The following TFR2 variants were observed in gnomAD, a reference collection of about 807,000 sequenced individuals.
TFR2 encodes the protein transferrin receptor protein 2.
A neutral mutation model predicts 91.9 loss-of-function variants in TFR2; 64 were observed. The ratio of observed to expected loss-of-function variants is 0.70; its 90% confidence interval spans 0.57 to 0.86. The LOEUF (loss-of-function observed/expected upper bound fraction) is 0.86, where lower values mean the gene tolerates loss of function less well. Among genes scored for constraint, TFR2 ranks in the 40% least tolerant of loss-of-function variants. The probability of loss-of-function intolerance (pLI) is 0.00; values close to 1 mark genes in which losing one functional copy is unlikely to be tolerated. For missense variants in TFR2, 950 were observed against 1,080.5 expected, an observed-to-expected ratio of 0.88 and a Z score of 1.69; for synonymous variants, 454 against 459.6, an observed-to-expected ratio of 0.99 and a Z score of 0.15.
chr7:100,634,242 A>G (rs1249570251), intron 3 of TFR2, among the ~76,000 whole-genome samples: 1 of 147,182 alleles, frequency 6.8e-6, no homozygotes, highest in African/African-American at 2.5e-5. Context: ...CTTTCCTTCG[A>G]AAGAGCTAAC....
At chr7:100,627,526 G>A (rs1309859798) in intron 15 of TFR2, 35 bp from the exon 16 acceptor site, 3 of 1,613,754 alleles carry the variant, frequency 1.9e-6, no homozygotes, top group African/African-American at 1.3e-5. Context: ...GGCGGAGGCA[G>A]ACAGGCTGAA....
chr7:100,636,041 C>A (rs1803566089), intron 3 of TFR2, among the ~76,000 whole-genome samples: 1 of 152,182 alleles, frequency 6.6e-6, no homozygotes, highest in Admixed American at 6.6e-5. Flanking sequence ...TCTATCTCAC[C>A]ACCACCTGCT....
chr7:100,626,436 T>C, intron 17 of TFR2: 12 of 1,193,640 alleles, frequency 1.0e-5, no homozygotes, highest in Non-Finnish European at 1.3e-5. Context: ...TCCAGAAGGG[T>C]CGAGGAGGCA....
intron 3 of TFR2, among the ~76,000 whole-genome samples, chr7:100,638,080 T>G (rs1803612006): frequency 1.3e-5 from 2 of 151,892 alleles, no homozygotes; most frequent in African/African-American, 4.8e-5. Context: ...CTCGGTTCAC[T>G]GCAAGCTCCG....
chr7:100,626,896 C>CCGCGGGCCTGGGGTGGGGAGG lies in TFR2; in HGVS notation c.1996-14_2002dup (p.Arg667_Gly668insAlaSerProProGlnAlaArg). ...CGAGTACACCCACTGCAGGGTCAGCCCGCGGGCCTGGGGTGGGGAGGCGCG... is the reference window on the plus strand; with the variant it reads ...CGAGTACACCCACTGCAGGGTCAGCCCGCGGGCCTGGGGTGGGGAGGCGCGGGCCTGGGGTGGGGAGGCGCG... On this transcript the variant is annotated inframe_insertion, in exon 17 of 18. Transcript: ENST00000223051. 6.5e-7 allele frequency: 1 copy of CCGCGGGCCTGGGGTGGGGAGG among 1,540,548 alleles called. No homozygotes were observed. The highest frequency in any genetic ancestry group is 8.7e-7 in the Non-Finnish European group (1 of 1,146,000).
chr7:100,641,354 G>GGGC, intron 1 of TFR2, 123 bp downstream of exon 1: 3 of 570,570 alleles, frequency 5.3e-6, no homozygotes, highest in Non-Finnish European at 3.1e-6. Context: ...TGGGGGAGGG[G>GGGC]CAGGGGTGGG....
chr7:100,637,416 A>G (rs1169948808), intron 3 of TFR2, among the ~76,000 whole-genome samples: 4 of 151,618 alleles, frequency 2.6e-5, no homozygotes, highest in Admixed American at 6.6e-5. Flanking sequence ...AAAAAGAAAA[A>G]AACAAAAAAC....
At chr7:100,626,979 G>A (rs1273441946) in intron 16 of TFR2, 76 bp from the exon 17 acceptor site, 3 of 1,488,780 alleles carry the variant, frequency 2.0e-6, no homozygotes, top group African/African-American at 1.4e-5. Context: ...AAGGACCCCC[G>A]CCTAGCATGG....
Position 100,620,780 on chromosome 7 carries a change from C to T in TFR2, c.*77G>A, listed in dbSNP as rs571269286. ...ATGAGAGGTGGACTCTGAGCCACCT[C>T]CCTGACCCTGAATCATTCAAGCGAG... is the stretch of plus-strand genomic sequence containing the variant. On this transcript the variant is annotated 3_prime_UTR_variant, in exon 18 of 18. Coordinates refer to ENST00000223051, the MANE Select transcript of TFR2 (RefSeq NM_003227.4). 1.3e-6 allele frequency: 2 copies of T among 1,596,488 alleles called. No homozygotes were observed. Among genetic ancestry groups the T allele is most frequent in the African/African-American group, 2.7e-5 (2 of 74,744 alleles).
intron 17 of TFR2, chr7:100,626,515 C>T: frequency 1.5e-6 from 2 of 1,365,884 alleles, no homozygotes; most frequent in South Asian, 3.3e-5. Flanking sequence ...TTCTGCCAGG[C>T]GTAAACCAGG....
chr7:100,631,002 C>CT lies in TFR2; in HGVS notation c.1156_1157insA (p.Gly386GlufsTer57), dbSNP rs2131317145. 6.4e-7 allele frequency: 1 copy of CT among 1,559,668 alleles called. No homozygotes were observed. The highest frequency in any genetic ancestry group is 8.6e-7 in the Non-Finnish European group (1 of 1,156,136). On this transcript the variant is annotated frameshift_variant, in exon 9 of 18. Coordinates refer to ENST00000223051, the MANE Select transcript of TFR2 (RefSeq NM_003227.4). LOFTEE classifies it high-confidence loss of function. ...CCCGGGGCCCAGGTGATAAGGGGAGCCTAGGAGGCTCCCCTGCCATTCTTG... is the reference window on the plus strand; with the variant it reads ...CCCGGGGCCCAGGTGATAAGGGGAGCTCTAGGAGGCTCCCCTGCCATTCTTG...
rs1422122966 is a variant in TFR2 at position 100,628,382 on chromosome 7, G to A, written c.1391-76C>T. ...CCTCCCCTTGTCTTCTTCTGTCCTG[G>A]TCCCCCAGGGTCTCTGTTTCTCTGT... On this transcript the variant is annotated intron_variant, in intron 10 of 17. Coordinates refer to ENST00000223051, the MANE Select transcript of TFR2 (RefSeq NM_003227.4). 5 of 1,383,992 alleles carry A rather than the reference G, an allele frequency of 3.6e-6. No individual in the cohort carries two copies. In the Admixed American group the frequency reaches 5.3e-5, roughly 15 times the overall value. 85.7% of individuals were successfully genotyped at this position (1,383,992 alleles called of 1,614,324 possible).
rs1803500963 is a variant in TFR2, at chr7:100,633,224, C to G, written c.726+5G>C. The G allele has an allele frequency of 6.2e-7, 1 of 1,613,652 alleles. No homozygotes were observed. Among genetic ancestry groups the G allele is most frequent in the East Asian group, 2.2e-5 (1 of 44,832 alleles). ...CCATCCTAGGAGCGGGCAGGGGGTG[C>G]TCACCGTGACGTTGCCGATGGCGCT... On this transcript the variant is annotated splice_donor_5th_base_variant and intron_variant, in intron 5 of 17. Coordinates refer to ENST00000223051, the MANE Select transcript of TFR2 (RefSeq NM_003227.4).
intron 16 of TFR2, 151 bp from the exon 17 acceptor site, chr7:100,627,054 A>T: frequency 7.4e-7 from 1 of 1,359,204 alleles, no homozygotes; most frequent in Non-Finnish European, 9.9e-7. Flanking sequence ...TGCTGGAGGC[A>T]GGATGAAGGG....
At chr7:100,621,284 C>T (rs978809789) in intron 17 of TFR2, among the ~76,000 whole-genome samples, 158 bp from the exon 18 acceptor site, 15 of 152,342 alleles carry the variant, frequency 9.8e-5, no homozygotes, top group South Asian at 4.1e-4. Context: ...GACGGAGTCT[C>T]GCTCTGTCTC....
chr7:100,624,847 G>A (rs941345033), intron 17 of TFR2, among the ~76,000 whole-genome samples: 1 of 151,408 alleles, frequency 6.6e-6, no homozygotes, highest in Non-Finnish European at 1.5e-5. Flanking sequence ...ACTCCAGCCT[G>A]GGCAACAGAG....
chr7:100,634,983 G>T (rs1238720675), intron 3 of TFR2, among the ~76,000 whole-genome samples: 4 of 151,634 alleles, frequency 2.6e-5, no homozygotes, highest in Admixed American at 1.3e-4. Context: ...CTGTCGCCCA[G>T]GCTGGTGTGT....
rs775145981 is a variant in TFR2, at chr7:100,631,658, C to T, written c.1106+148G>A. The T allele has an allele frequency of 1.5e-5, 16 of 1,102,516 alleles. 1 individual carries two copies. The Admixed American group carries it at 3.8e-4, about 26-fold the overall frequency. 68.3% of individuals were successfully genotyped at this position (1,102,516 alleles called of 1,614,324 possible). On this transcript the variant is annotated intron_variant, in intron 8 of 17. Transcript: ENST00000223051. ...AAAAGGTCAGGGTCTCTCTGTCTCCCAGGCTGGAGTGCAGTGGTGTAGTCA... is the reference window on the plus strand; with the variant it reads ...AAAAGGTCAGGGTCTCTCTGTCTCCTAGGCTGGAGTGCAGTGGTGTAGTCA...
intron 17 of TFR2, chr7:100,626,547 C>A: frequency 7.1e-7 from 1 of 1,399,240 alleles, no homozygotes; most frequent in Non-Finnish European, 9.3e-7. Context: ...AAGAGGCTGG[C>A]CCTCCCTGTC....
Sources: allele counts gnomAD v4.1 joint callset (sites outside exome capture counted in the v4.1 genomes callset), GRCh38; gene constraint gnomAD v4.1.1; transcripts MANE v1.5; gene names NCBI Gene and HGNC (gene_info 2026-07-23, HGNC 2026-07-21).